ADAM17: variants seen among roughly 807,000 people sequenced by gnomAD.
ADAM17 encodes disintegrin and metalloproteinase domain-containing protein 17.
In ADAM17, 39 loss-of-function variants were observed where a neutral mutation model predicts 96.7. The ratio of observed to expected loss-of-function variants is 0.40; its 90% CI spans 0.31 to 0.53. ADAM17 has a LOEUF of 0.53. Ranked by LOEUF, ADAM17 falls within the 20% of genes least tolerant of loss-of-function variation. The pLI, the probability that ADAM17 is intolerant of heterozygous loss-of-function variation, is 0.44. For missense variants in ADAM17, 777 were observed against 1,013.2 expected (o/e 0.77, Z 3.17); for synonymous variants, 344 against 359.2 (o/e 0.96, Z 0.48).
chr2:9,518,365 G>T, intron 8 of ADAM17, 118 bp from the exon 9 acceptor site: 2 of 1,234,266 alleles, frequency 1.6e-6, no homozygotes, highest in Non-Finnish European at 1.1e-6. Flanking sequence ...ATGATGGCAT[G>T]CAGCTCAGCA....
In ADAM17 at chr2:9,526,123, AGTT is replaced by A. The variant is rs777536319; in HGVS notation, c.738_740del (p.Thr248del). 3 of 1,605,828 alleles carry A rather than the reference AGTT, an allele frequency of 1.9e-6. No individual in the cohort carries two copies. The Admixed American group carries it at 5.2e-5, about 28-fold the overall frequency. On this transcript the variant is annotated inframe_deletion, in exon 6 of 19. Transcript: ENST00000310823. ...ATCAAATACTTACTAAGTAATTTGT[AGTT>A]GTACTCTCTTCCCCTCTGCCCATGT... is the stretch of plus-strand genomic sequence containing the variant.
chr2:9,533,879 A>G (rs1249241917), intron 4 of ADAM17, among the ~76,000 whole-genome samples: 1 of 152,138 alleles, frequency 6.6e-6, no homozygotes, highest in Non-Finnish European at 1.5e-5. Context: ...GTAAGAAAAA[A>G]CTTTGCTTGT....
chr2:9,527,905 T>A lies in ADAM17; in HGVS notation c.500A>T (p.Tyr167Phe). 1 of 1,592,040 alleles carries A rather than the reference T, an allele frequency of 6.3e-7. No individual in the cohort carries two copies. The change falls in exon 5 of 19, where the codon TAT becomes TTT. Residue 167 changes from tyrosine to phenylalanine, a missense_variant. Physicochemically the swap from Tyr to Phe is conservative, Grantham distance 22 (BLOSUM62 3). This residue lies in a region of ADAM17 where 446 missense variants were observed against 664.7 expected (regional missense o/e 0.67). Coordinates refer to ENST00000310823, the MANE Select transcript of ADAM17 (RefSeq NM_003183.6). The stretch of plus-strand genomic sequence containing the variant: ...AACATTCTTGATATCTTCAGATTTA[T>A]AAACTAACATTCTTTTGTCTTTGGT... ...NDTKDKRMLV[Y>F]KSEDIKNVSR...
Position 9,494,764 on chromosome 2 carries a change from G to A in ADAM17, c.1787C>T (p.Thr596Ile). ...GCAGCACACCTTGCAGGAGTTGTCA[G>A]TTTCTGGAACAGAGAACACGCATTG... ...QQLESCACNE[T>I]DNSCKVCCRD... The change falls in exon 15 of 19, where the codon ACT (threonine) becomes ATT (isoleucine). Residue 596 changes from threonine to isoleucine, a missense_variant. Coordinates refer to ENST00000310823, the MANE Select transcript of ADAM17 (RefSeq NM_003183.6). The A allele has an allele frequency of 1.2e-6, 2 of 1,613,900 alleles. No individual in the cohort carries two copies. The highest frequency in any genetic ancestry group is 8.5e-7 in the Non-Finnish European group (1 of 1,179,864).
At position 9,537,687 on chromosome 2, in the gene ADAM17, G is replaced by A. The variant is rs1435108014; in HGVS notation, c.231-859C>T. Among the ~76,000 whole-genome samples, 5 of 151,690 alleles carry A rather than the reference G, an allele frequency of 3.3e-5. No individual in the cohort carries two copies. The South Asian group carries it at 6.3e-4, about 19-fold the overall frequency. ...GCGGAGCCTGCTGTGAGCCGAGATC[G>A]CCAGCCTGGTTGACAGCGCGAGACT... On this transcript the variant is annotated intron_variant, in intron 2 of 18. Coordinates refer to ENST00000310823, the MANE Select transcript of ADAM17 (RefSeq NM_003183.6).
chr2:9,527,992 A>G, intron 4 of ADAM17, 38 bp from the exon 5 acceptor site: 2 of 1,327,476 alleles, frequency 1.5e-6, no homozygotes, highest in Non-Finnish European at 2.0e-6. Flanking sequence ...ATGGAAAACA[A>G]TAATAATTCC....
intron 2 of ADAM17, among the ~76,000 whole-genome samples, chr2:9,540,909 G>A (rs1665181376): frequency 6.6e-6 from 1 of 152,126 alleles, no homozygotes; most frequent in Admixed American, 6.5e-5. Flanking sequence ...AAAGATAACA[G>A]GAAACAGGTA....
intron 1 of ADAM17, among the ~76,000 whole-genome samples, chr2:9,550,087 C>G (rs1273038988): frequency 6.6e-6 from 1 of 152,048 alleles, no homozygotes. Context: ...TTCAGCACCC[C>G]CCAAAACACA....
intron 13 of ADAM17, among the ~76,000 whole-genome samples, chr2:9,500,045 C>A (rs1403652046): frequency 6.6e-6 from 1 of 151,978 alleles, no homozygotes; most frequent in Non-Finnish European, 1.5e-5. Flanking sequence ...CCCAGAAATT[C>A]TATTCCTGAA....
At chr2:9,537,578 A>G (rs1041547915) in intron 2 of ADAM17, among the ~76,000 whole-genome samples, 7 of 151,980 alleles carry the variant, frequency 4.6e-5, no homozygotes, top group Non-Finnish European at 8.8e-5. Flanking sequence ...CTAAAAATAC[A>G]AAAATTAGCC....
intron 12 of ADAM17, among the ~76,000 whole-genome samples, chr2:9,504,015 G>A (rs1663204368): frequency 6.6e-6 from 1 of 151,850 alleles, no homozygotes; most frequent in Non-Finnish European, 1.5e-5. Flanking sequence ...AATTAGCCAG[G>A]TGGCACACAC....
At chr2:9,555,279 G>C (rs1665704859) in intron 1 of ADAM17, among the ~76,000 whole-genome samples, 2 of 152,176 alleles carry the variant, frequency 1.3e-5, no homozygotes, top group African/African-American at 4.8e-5. Context: ...CAGGCGCTCA[G>C]TCACTACATG....
intron 4 of ADAM17, among the ~76,000 whole-genome samples, chr2:9,529,839 T>C (rs1664668377): frequency 6.6e-6 from 1 of 151,652 alleles, no homozygotes; most frequent in African/African-American, 2.4e-5. Flanking sequence ...GGCATGGTGG[T>C]GGGCGCCTGT....
intron 13 of ADAM17, among the ~76,000 whole-genome samples, chr2:9,498,507 C>G (rs1195691791): frequency 3.0e-4 from 45 of 152,186 alleles, no homozygotes; most frequent in Admixed American, 2.9e-3. Context: ...TCTGGACTGG[C>G]CTTTCAGCTG....
intron 5 of ADAM17, among the ~76,000 whole-genome samples, chr2:9,527,348 A>C (rs890428560): frequency 6.6e-6 from 1 of 152,192 alleles, no homozygotes; most frequent in Non-Finnish European, 1.5e-5. Context: ...TAAAATTCCA[A>C]GATGGTTACG....
chr2:9,508,715 A>G (rs1663559829), intron 11 of ADAM17, among the ~76,000 whole-genome samples: 1 of 152,186 alleles, frequency 6.6e-6, no homozygotes, highest in Non-Finnish European at 1.5e-5. Flanking sequence ...TACTGGGCAG[A>G]GCAGACACAA....
At chr2:9,554,416 T>TAATC (rs1193432651) in intron 1 of ADAM17, among the ~76,000 whole-genome samples, 1 of 152,168 alleles carries the variant, frequency 6.6e-6, no homozygotes, top group East Asian at 1.9e-4. Flanking sequence ...TAGTCACTTG[T>TAATC]AATCCATTTC....
chr2:9,518,365 G>A, intron 8 of ADAM17, 118 bp from the exon 9 acceptor site: 1 of 1,234,268 alleles, frequency 8.1e-7, no homozygotes, highest in Non-Finnish European at 1.1e-6. Context: ...ATGATGGCAT[G>A]CAGCTCAGCA....
chr2:9,539,113 T>TTC (rs1375634253), intron 2 of ADAM17, among the ~76,000 whole-genome samples: 1 of 151,102 alleles, frequency 6.6e-6, no homozygotes. Flanking sequence ...TTTCTTGATT[T>TTC]TTTTTTTTTT....
Sources: gnomAD v4.1 joint callset for allele counts (sites outside exome capture counted in the v4.1 genomes callset) on GRCh38, gnomAD v4.1.1 for gene constraint, gnomAD v4.1.1 regional missense constraint, MANE v1.5 for transcripts, NCBI Gene and HGNC (gene_info 2026-07-23, HGNC 2026-07-21) for gene names.